SAMMSON: variants seen among roughly 807,000 people sequenced by gnomAD.
SAMMSON encodes the protein survival associated mitochondrial melanoma specific oncogenic non-coding RNA.
intron 4 of SAMMSON, among the ~76,000 whole-genome samples, chr3:70,103,061 G>A (rs2067352239): frequency 1.3e-5 from 2 of 152,122 alleles, no homozygotes; most frequent in South Asian, 4.1e-4. Flanking sequence ...GGCCAAGGTT[G>A]GCACTTGAGT....
chr3:70,422,292 A>G (rs1036556540), intron 2 of SAMMSON, among the ~76,000 whole-genome samples: 2 of 152,090 alleles, frequency 1.3e-5, no homozygotes, highest in African/African-American at 2.4e-5. Flanking sequence ...ACCTCTAACA[A>G]AGAGTTGAAA....
At chr3:70,065,940 A>G (rs2067207781) in intron 3 of SAMMSON, among the ~76,000 whole-genome samples, 1 of 152,124 alleles carries the variant, frequency 6.6e-6, no homozygotes, top group Non-Finnish European at 1.5e-5. Context: ...CTTGTAACAT[A>G]TGGAACGAAA....
intron 4 of SAMMSON, among the ~76,000 whole-genome samples, chr3:70,209,053 TATA>T (rs1401781030): frequency 6.6e-6 from 1 of 152,096 alleles, no homozygotes; most frequent in Non-Finnish European, 1.5e-5. Context: ...AAATTAATGA[TATA>T]ATGATGATGA....
At chr3:70,107,726 A>G (rs766601749) in intron 4 of SAMMSON, among the ~76,000 whole-genome samples, 5 of 152,136 alleles carry the variant, frequency 3.3e-5, no homozygotes, top group Non-Finnish European at 5.9e-5. Flanking sequence ...ACGAATTAAT[A>G]GGATATAGAG....
chr3:70,297,023 C>T (rs1702295953), intron 7 of SAMMSON, among the ~76,000 whole-genome samples: 1 of 151,986 alleles, frequency 6.6e-6, no homozygotes, highest in South Asian at 2.1e-4. Flanking sequence ...TACGCACATA[C>T]TATGGCTTAA....
At chr3:70,108,799 C>A (rs2067377615) in intron 4 of SAMMSON, among the ~76,000 whole-genome samples, 1 of 152,052 alleles carries the variant, frequency 6.6e-6, no homozygotes, top group Non-Finnish European at 1.5e-5. Context: ...ATGAAACCAA[C>A]CTTGCTGGCA....
chr3:70,356,786 A>G (rs888870583), intron 8 of SAMMSON, among the ~76,000 whole-genome samples: 2 of 152,132 alleles, frequency 1.3e-5, no homozygotes, highest in Admixed American at 1.3e-4. Flanking sequence ...CTCTCTTTCT[A>G]ATTTGCTGTG....
At chr3:70,288,992 A>G (rs1702198200) in intron 6 of SAMMSON, among the ~76,000 whole-genome samples, 1 of 152,092 alleles carries the variant, frequency 6.6e-6, no homozygotes, top group Non-Finnish European at 1.5e-5. Context: ...CAGCACACTG[A>G]TGGGTCTTAA....
At chr3:70,409,537 T>C (rs1179588578) in intron 2 of SAMMSON, among the ~76,000 whole-genome samples, 1 of 152,022 alleles carries the variant, frequency 6.6e-6, no homozygotes, top group Non-Finnish European at 1.5e-5. Flanking sequence ...TAGACATGTA[T>C]TTTGGTTGCA....
At chr3:70,179,033 A>G (rs1048247592) in intron 4 of SAMMSON, among the ~76,000 whole-genome samples, 10 of 152,166 alleles carry the variant, frequency 6.6e-5, no homozygotes, top group African/African-American at 2.2e-4. Flanking sequence ...TAAGAAGAAG[A>G]ACTTTATAAC....
chr3:70,136,368 A>C (rs2067505866), intron 4 of SAMMSON, among the ~76,000 whole-genome samples: 1 of 152,222 alleles, frequency 6.6e-6, no homozygotes, highest in African/African-American at 2.4e-5. Context: ...CTGCTATGAC[A>C]TGAGTACATT....
chr3:70,080,638 C>T (rs1262369691), intron 4 of SAMMSON, among the ~76,000 whole-genome samples: 1 of 151,946 alleles, frequency 6.6e-6, no homozygotes, highest in South Asian at 2.1e-4. Context: ...TTACTGGCTA[C>T]AGCATTCTAA....
chr3:70,189,003 A>C (rs575452754), intron 4 of SAMMSON, among the ~76,000 whole-genome samples: 51 of 152,266 alleles, frequency 3.3e-4, no homozygotes, highest in Non-Finnish European at 5.7e-4. Context: ...ATCAGAAGAG[A>C]GGGTGCTTGA....
intron 6 of SAMMSON, among the ~76,000 whole-genome samples, chr3:70,257,322 A>G (rs573622292): frequency 6.6e-6 from 1 of 152,194 alleles, no homozygotes; most frequent in Admixed American, 6.5e-5. Context: ...TTGGGGAAGA[A>G]TCTTCCCTTT....
At chr3:70,212,800 T>C (rs1701364350) in intron 4 of SAMMSON, among the ~76,000 whole-genome samples, 1 of 151,856 alleles carries the variant, frequency 6.6e-6, no homozygotes, top group South Asian at 2.1e-4. Context: ...TTCTCTCTCT[T>C]TTTTTGAGAC....
At chr3:70,117,801 G>A (rs1479833968) in intron 4 of SAMMSON, among the ~76,000 whole-genome samples, 2 of 152,044 alleles carry the variant, frequency 1.3e-5, no homozygotes, top group Non-Finnish European at 1.5e-5. Flanking sequence ...TACATTTAAA[G>A]CACTTATAAG....
At chr3:70,391,307 G>A (rs574178873), downstream of SAMMSON, among the ~76,000 whole-genome samples, 14 of 152,170 alleles carry the variant, frequency 9.2e-5, no homozygotes, top group Non-Finnish European at 2.1e-4. Context: ...AGGCTCAAAT[G>A]ATTGGAGTAA....
chr3:70,415,813 A>G (rs1164954325), intron 2 of SAMMSON, among the ~76,000 whole-genome samples: 1 of 152,180 alleles, frequency 6.6e-6, no homozygotes, highest in Non-Finnish European at 1.5e-5. Context: ...AGCAAGAATC[A>G]TGTTGTTAAA....
chr3:70,135,057 T>A (rs2067500138), intron 4 of SAMMSON, among the ~76,000 whole-genome samples: 1 of 152,204 alleles, frequency 6.6e-6, no homozygotes, highest in South Asian at 2.1e-4. Flanking sequence ...TCATTGATCT[T>A]GGCCAGCTTA....
Sources: gnomAD v4.1 joint callset for allele counts (sites outside exome capture counted in the v4.1 genomes callset) on GRCh38, gnomAD v4.1.1 for gene constraint, MANE v1.5 for transcripts, NCBI Gene and HGNC (gene_info 2026-07-23, HGNC 2026-07-21) for gene names.